The following INSL6 variants were observed in gnomAD, a reference collection of about 807,000 sequenced individuals.
INSL6 encodes the protein insulin-like peptide INSL6.
Under a neutral mutation model 9.4 loss-of-function variants are expected in INSL6, and 16 were observed. The observed-to-expected ratio is 1.70, with a 90% CI of 1.15 to 2.59. The LOEUF (loss-of-function observed/expected upper bound fraction) is 2.59, where lower values mean the gene tolerates loss of function less well. Ranked by LOEUF, INSL6 falls within the 30% of genes most tolerant of loss-of-function variation. INSL6 has a pLI of 0.00. For missense variants in INSL6, 391 were observed against 257.3 expected, an observed-to-expected ratio of 1.52 and a Z score of -3.56; for synonymous variants, 154 against 96.9, an observed-to-expected ratio of 1.59 and a Z score of -3.46.
At chr9:5,080,397 TA>T in the INSL6 span, 1 of 1,588,594 alleles carries the variant, frequency 6.3e-7, no homozygotes, top group South Asian at 1.1e-5. Context: ...TTATATAGAC[TA>T]AGTTAGAATT....
intron 1 of INSL6, among the ~76,000 whole-genome samples, chr9:5,164,704 C>G (rs1825009203): frequency 6.6e-6 from 1 of 152,206 alleles, no homozygotes; most frequent in Non-Finnish European, 1.5e-5. Context: ...TTTGCCTATT[C>G]CGTATATTTC....
At chr9:5,148,085 G>C (rs1824637468) in intron 2 of INSL6, among the ~76,000 whole-genome samples, 1 of 152,184 alleles carries the variant, frequency 6.6e-6, no homozygotes, top group South Asian at 2.1e-4. Flanking sequence ...TGAGCTAACA[G>C]GCTCCTTTGG....
chr9:5,074,732 C>T, the INSL6 span, among the ~76,000 whole-genome samples: 5 of 152,168 alleles, frequency 3.3e-5, no homozygotes, highest in African/African-American at 7.2e-5. Flanking sequence ...AAGATTCACC[C>T]GTCTCTCACT....
At chr9:5,168,177 G>C (rs559252587) in intron 1 of INSL6, among the ~76,000 whole-genome samples, 1 of 152,300 alleles carries the variant, frequency 6.6e-6, no homozygotes, top group South Asian at 2.1e-4. Context: ...TTCTCCAAAT[G>C]ATCGTAACAT....
Position 5,132,910 on chromosome 9 carries a change from G to A in INSL6, c.*10+515C>T, listed in dbSNP as rs115064833. The A allele has an allele frequency of 2.4e-3, 360 of 152,290 alleles. 2 individuals carry two copies. The highest frequency in any genetic ancestry group is 8.3e-3 in the African/African-American group (343 of 41,554). The allele number at this position is 152,290 out of a possible 1,614,324, so 9.4% of individuals were successfully genotyped here. ...AGTTCTGCTACCGCTCTGGGAATAT[G>A]AGCCCTAATCATAGTTTTCAGGGAG... On this transcript the variant is annotated intron_variant, in intron 3 of 3. Coordinates refer to the INSL6 transcript ENST00000649639.
At chr9:5,065,434 CA>C in the INSL6 span, among the ~76,000 whole-genome samples, 1 of 152,114 alleles carries the variant, frequency 6.6e-6, no homozygotes, top group Non-Finnish European at 1.5e-5. Flanking sequence ...GGTTCAAACA[CA>C]AGATATATAT....
chr9:5,124,525 A>C (rs927890487), intron 3 of INSL6, among the ~76,000 whole-genome samples: 2 of 151,736 alleles, frequency 1.3e-5, no homozygotes, highest in African/African-American at 4.8e-5. Flanking sequence ...TCAAAATACC[A>C]ATGTCATTTG....
the INSL6 span, chr9:5,041,909 T>G: frequency 2.5e-6 from 1 of 401,482 alleles, no homozygotes; most frequent in Non-Finnish European, 4.8e-6. Context: ...GAGATGGAGG[T>G]GGGCGATGAA....
chr9:5,033,456 A>C, the INSL6 span, among the ~76,000 whole-genome samples: 1 of 152,222 alleles, frequency 6.6e-6, no homozygotes, highest in Non-Finnish European at 1.5e-5. Flanking sequence ...ACCAAAGTTG[A>C]AATGAAGGAA....
At chr9:5,151,957 T>C (rs1438458010) in intron 2 of INSL6, among the ~76,000 whole-genome samples, 1 of 151,990 alleles carries the variant, frequency 6.6e-6, no homozygotes, top group Non-Finnish European at 1.5e-5. Flanking sequence ...TGATATATGA[T>C]GGAAACACTA....
the INSL6 span, chr9:5,100,234 T>C: frequency 6.6e-6 from 1 of 152,164 alleles, no homozygotes; most frequent in Non-Finnish European, 1.5e-5. Context: ...TGACAACACA[T>C]AATGACCCAC....
chr9:5,023,105 T>A, the INSL6 span, among the ~76,000 whole-genome samples: 3 of 152,180 alleles, frequency 2.0e-5, no homozygotes, highest in African/African-American at 7.2e-5. Flanking sequence ...CATTTGAACT[T>A]GTTCCTTCTG....
At position 5,175,604 on chromosome 9, in the gene INSL6, G is replaced by T. The variant is rs184617012; in HGVS notation, c.289+9710C>A. Among the ~76,000 whole-genome samples the T allele has an allele frequency of 4.6e-5, 7 of 152,224 alleles. No individual in the cohort carries two copies. The East Asian group carries it at 7.7e-4, about 17-fold the overall frequency. ...GGCAGGAGGTAAGCAGTGGGCAGGC[G>T]AGCGAGCAAAGCTTCATCTATATTT... On this transcript the variant is annotated intron_variant, in intron 1 of 1. Coordinates refer to ENST00000381641, the MANE Select transcript of INSL6 (RefSeq NM_007179.3).
chr9:5,171,909 C>T (rs1052813897), intron 1 of INSL6, among the ~76,000 whole-genome samples: 1 of 152,124 alleles, frequency 6.6e-6, no homozygotes, highest in Non-Finnish European at 1.5e-5. Flanking sequence ...GCCATCCTGC[C>T]CAAAGTAATT....
intron 3 of INSL6, among the ~76,000 whole-genome samples, chr9:5,130,701 CTTTTTTTTATTTTTTTTATTTTTTATTT>C (rs1824257509): frequency 6.6e-6 from 1 of 150,462 alleles, no homozygotes; most frequent in Non-Finnish European, 1.5e-5. Context: ...TATGAATTTT[CTTTTTTTTATTTTTTTTATTTTTTATTT>C]TTTTTTTTAT....
the INSL6 span, among the ~76,000 whole-genome samples, chr9:5,091,930 A>T: frequency 6.6e-6 from 1 of 152,026 alleles, no homozygotes; most frequent in Non-Finnish European, 1.5e-5. Flanking sequence ...GGAGTGGTAT[A>T]GTTGTTTGGG....
the INSL6 span, chr9:5,085,774 T>C: frequency 6.6e-6 from 5 of 754,288 alleles, no homozygotes; most frequent in East Asian, 1.2e-4. Flanking sequence ...CGGGAGTTAT[T>C]ATGATGAATA....
At chr9:5,160,379 C>CT (rs1824901470), downstream of INSL6, among the ~76,000 whole-genome samples, 1 of 151,994 alleles carries the variant, frequency 6.6e-6, no homozygotes, top group African/African-American at 2.4e-5. Context: ...AAGAAGAAAA[C>CT]TTTAAAATTT....
the INSL6 span, chr9:5,078,526 G>T: frequency 9.8e-7 from 1 of 1,021,520 alleles, no homozygotes. Flanking sequence ...AATTTTCCTT[G>T]AATTCCATTT....
Sources: gnomAD v4.1 joint callset for allele counts (sites outside exome capture counted in the v4.1 genomes callset) on GRCh38, gnomAD v4.1.1 for gene constraint, MANE v1.5 for transcripts, NCBI Gene and HGNC (gene_info 2026-07-23, HGNC 2026-07-21) for gene names.